Variants in CRYZ observed in about 807,000 individuals in gnomAD.
The protein encoded by CRYZ is zeta-crystallin.
Under a neutral mutation model 34.1 loss-of-function variants are expected in CRYZ, and 35 were observed. That is an observed-to-expected ratio of 1.03 (90% CI 0.78 to 1.36). CRYZ has a LOEUF of 1.36. Ranked by LOEUF, CRYZ falls within the 40% of genes most tolerant of loss-of-function variation. The probability of loss-of-function intolerance (pLI) is 0.00; values close to 1 mark genes in which losing one functional copy is unlikely to be tolerated. For synonymous variants in CRYZ, 137 were observed against 136.5 expected, an observed-to-expected ratio of 1.00 and a Z score of -0.03; for missense variants, 403 against 391.8, an observed-to-expected ratio of 1.03 and a Z score of -0.24.
At chr1:74,718,640 T>C (rs770361366) in intron 4 of CRYZ, among the ~76,000 whole-genome samples, 1 of 152,094 alleles carries the variant, frequency 6.6e-6, no homozygotes, top group African/African-American at 2.4e-5. Context: ...CAGAATGTCC[T>C]CTCTCCTTCT....
At chr1:74,720,689 T>C (rs1647148011) in intron 3 of CRYZ, among the ~76,000 whole-genome samples, 1 of 152,182 alleles carries the variant, frequency 6.6e-6, no homozygotes, top group South Asian at 2.1e-4. Context: ...CTTAATATGG[T>C]TGCCCAGAAA....
At chr1:74,723,045 C>T (rs147094961) in intron 3 of CRYZ, 73 bp downstream of exon 3, 36 of 1,449,052 alleles carry the variant, frequency 2.5e-5, no homozygotes, top group Non-Finnish European at 2.7e-5. Context: ...AAATAAGATG[C>T]AGTTGAAAGC....
At chr1:74,717,706 A>C (rs1647096715) in intron 4 of CRYZ, among the ~76,000 whole-genome samples, 3 of 152,332 alleles carry the variant, frequency 2.0e-5, no homozygotes, top group South Asian at 4.1e-4. Context: ...CACAACTAGT[A>C]CTATGTGAAG....
chr1:74,726,208 C>T (rs1243525049), intron 1 of CRYZ, among the ~76,000 whole-genome samples: 1 of 152,212 alleles, frequency 6.6e-6, no homozygotes, highest in Non-Finnish European at 1.5e-5. Context: ...CCCACATTTC[C>T]CTTCTGCACT....
intron 1 of CRYZ, among the ~76,000 whole-genome samples, chr1:74,728,908 T>C (rs1570026255): frequency 6.6e-6 from 1 of 152,220 alleles, no homozygotes; most frequent in East Asian, 1.9e-4. Context: ...TTAGAACAGC[T>C]TGGCAGTCTC....
intron 5 of CRYZ, among the ~76,000 whole-genome samples, chr1:74,713,114 G>C (rs1647026378): frequency 6.6e-6 from 1 of 152,058 alleles, no homozygotes; most frequent in Non-Finnish European, 1.5e-5. Flanking sequence ...AGGATCAGAA[G>C]CACTTCACAC....
chr1:74,717,888 C>T (rs1308259788), intron 4 of CRYZ, among the ~76,000 whole-genome samples: 1 of 152,208 alleles, frequency 6.6e-6, no homozygotes, highest in African/African-American at 2.4e-5. Context: ...TCTATTCTCA[C>T]TCCAGTGTTC....
intron 1 of CRYZ, among the ~76,000 whole-genome samples, chr1:74,727,656 A>AC (rs1473312109): frequency 6.7e-6 from 1 of 149,614 alleles, no homozygotes; most frequent in African/African-American, 2.5e-5. Flanking sequence ...AAAAAAAAAA[A>AC]AAAAAAAAAA....
rs138796075 is a variant in CRYZ, at chr1:74,711,283, G to A, written c.481-1036C>T. 1.4e-3 allele frequency among the ~76,000 whole-genome samples: 213 copies of A among 152,278 alleles called. 2 individuals carry two copies. Among genetic ancestry groups the A allele is most frequent in the African/African-American group, 4.9e-3 (202 of 41,564 alleles). Reference sequence around the variant, plus strand: ...CCAGGAAATGATCTGGTTGACTCAGGCTTTAAAAAGGTTGCTCCAATTACA... The same window carrying A: ...CCAGGAAATGATCTGGTTGACTCAGACTTTAAAAAGGTTGCTCCAATTACA... On this transcript the variant is annotated intron_variant, in intron 5 of 8. Coordinates refer to ENST00000340866, the MANE Select transcript of CRYZ (RefSeq NM_001889.4).
chr1:74,706,550 C>A, intron 8 of CRYZ, 93 bp from the exon 9 acceptor site: 5 of 1,141,136 alleles, frequency 4.4e-6, no homozygotes, highest in Non-Finnish European at 6.2e-6. Context: ...AAGTGTTATA[C>A]CATGAAGAGT....
chr1:74,707,071 G>GT (rs1557720060), intron 7 of CRYZ, 32 bp downstream of exon 7: 10 of 1,317,898 alleles, frequency 7.6e-6, no homozygotes, highest in Middle Eastern at 1.9e-4. Flanking sequence ...CATTAAAGTG[G>GT]TAAAAAAAAA....
chr1:74,716,959 G>T (rs1647085213), intron 4 of CRYZ, among the ~76,000 whole-genome samples: 2 of 152,058 alleles, frequency 1.3e-5, no homozygotes, highest in African/African-American at 4.8e-5. Flanking sequence ...ATGCATTTTG[G>T]TGCCACTTCA....
At chr1:74,732,512 G>T (rs1406419775) in intron 1 of CRYZ, among the ~76,000 whole-genome samples, 1 of 151,878 alleles carries the variant, frequency 6.6e-6, no homozygotes, top group Non-Finnish European at 1.5e-5. Flanking sequence ...CTGTGGGAAG[G>T]GGCCCTGGAC....
chr1:74,706,344 AT>A lies in CRYZ; in HGVS notation c.941del (p.Asn314IlefsTer12). ...PLEKVAEAHE[N>X]IIHGSGATGK... ...CAGTAGCCCCACTACCATGAATGAT[AT>A]TTTCATGAGCCTCGGCCACCTTCTC... On this transcript the variant is annotated frameshift_variant, in exon 9 of 9. Transcript: ENST00000340866. LOFTEE classifies it high-confidence loss of function. The A allele has an allele frequency of 3.1e-6, 5 of 1,612,272 alleles. No individual in the cohort carries two copies. The highest frequency in any genetic ancestry group is 3.4e-6 in the Non-Finnish European group (4 of 1,179,100).
At chr1:74,707,978 C>T (rs546218188) in intron 6 of CRYZ, 1 of 152,018 alleles carries the variant, frequency 6.6e-6, no homozygotes, top group Admixed American at 6.6e-5. Context: ...TGATTGCCTG[C>T]CATGGTCAGA....
chr1:74,711,945 C>T (rs1647009783), intron 5 of CRYZ, among the ~76,000 whole-genome samples: 1 of 152,052 alleles, frequency 6.6e-6, no homozygotes, highest in Non-Finnish European at 1.5e-5. Flanking sequence ...AACATGGTGG[C>T]TCATGCCTGT....
At chr1:74,710,432 CTAAA>C (rs1418456232) in intron 5 of CRYZ, among the ~76,000 whole-genome samples, 185 bp from the exon 6 acceptor site, 1 of 152,146 alleles carries the variant, frequency 6.6e-6, no homozygotes, top group Non-Finnish European at 1.5e-5. Flanking sequence ...AGGAACCATA[CTAAA>C]TAATTTCTAC....
intron 3 of CRYZ, 101 bp from the exon 4 acceptor site, chr1:74,719,473 T>G: frequency 9.0e-7 from 1 of 1,107,092 alleles, no homozygotes; most frequent in Admixed American, 2.7e-5. Flanking sequence ...ACTCATATAT[T>G]GTCCTCTATA....
intron 5 of CRYZ, among the ~76,000 whole-genome samples, chr1:74,713,383 T>C (rs1204449640): frequency 2.0e-5 from 3 of 152,202 alleles, no homozygotes; most frequent in East Asian, 1.9e-4. Flanking sequence ...TGACAGACCC[T>C]TTAGTTACTT....
Sources: allele counts gnomAD v4.1 joint callset (sites outside exome capture counted in the v4.1 genomes callset), GRCh38; gene constraint gnomAD v4.1.1; transcripts MANE v1.5; gene names NCBI Gene and HGNC (gene_info 2026-07-23, HGNC 2026-07-21).